COL26A1: variants seen among roughly 807,000 people sequenced by gnomAD.
COL26A1 encodes collagen type XXVI alpha 1 chain, also known as collagen alpha-1(XXVI) chain.
In COL26A1, 41 loss-of-function variants were observed where a neutral mutation model predicts 59.3. That is an observed-to-expected ratio of 0.69 (90% CI 0.54 to 0.90). The LOEUF (loss-of-function observed/expected upper bound fraction) is 0.90. COL26A1 is among the 40% of genes least tolerant of loss of function. The pLI, the probability that COL26A1 is intolerant of heterozygous loss-of-function variation, is 0.00. For missense variants in COL26A1, 612 were observed against 602.3 expected (o/e 1.02, Z -0.17); for synonymous variants, 266 against 256.0 (o/e 1.04, Z -0.37).
intron 1 of COL26A1, among the ~76,000 whole-genome samples, chr7:101,402,513 G>A (rs916044282): frequency 4.6e-5 from 7 of 152,010 alleles, no homozygotes; most frequent in African/African-American, 1.7e-4. Context: ...GCCTCTGGCT[G>A]TGAAAATTCT....
chr7:101,386,843 C>G (rs779677058), intron 1 of COL26A1, among the ~76,000 whole-genome samples: 1 of 152,148 alleles, frequency 6.6e-6, no homozygotes, highest in Non-Finnish European at 1.5e-5. Flanking sequence ...GGCAGGAAAG[C>G]TCAATATTCT....
chr7:101,551,001 T>A lies in COL26A1; in HGVS notation c.994-107T>A. On this transcript the variant is annotated intron_variant, in intron 9 of 12. Coordinates refer to ENST00000313669, the MANE Select transcript of COL26A1 (RefSeq NM_001278563.3). ...GCCGGGCCATCCTCCTCTCCCTTCC[T>A]CTTCTGCAGACTCAGAGCACAGTGG... 3 of 1,284,278 alleles carry A rather than the reference T, an allele frequency of 2.3e-6. No individual in the cohort carries two copies. The South Asian group carries it at 3.8e-5, about 16-fold the overall frequency. 79.6% of individuals were successfully genotyped at this position (1,284,278 alleles called of 1,614,324 possible).
chr7:101,503,840 T>C (rs1420120283), intron 3 of COL26A1, among the ~76,000 whole-genome samples: 1 of 152,174 alleles, frequency 6.6e-6, no homozygotes, highest in Non-Finnish European at 1.5e-5. Context: ...CCAAGGGACA[T>C]GAGTAGGGAG....
At chr7:101,408,091 G>A (rs1466821648) in intron 1 of COL26A1, among the ~76,000 whole-genome samples, 4 of 152,160 alleles carry the variant, frequency 2.6e-5, no homozygotes, top group Admixed American at 2.0e-4. Context: ...TTCTTTCCTA[G>A]GCTAAGCCAA....
chr7:101,451,043 TTAA>T (rs1332245254), intron 3 of COL26A1, among the ~76,000 whole-genome samples: 14 of 144,274 alleles, frequency 9.7e-5, no homozygotes, highest in African/African-American at 2.2e-4. Context: ...TGAATAATTA[TTAA>T]TAATAATTAA....
intron 1 of COL26A1, among the ~76,000 whole-genome samples, chr7:101,369,901 T>C (rs1791144508): frequency 6.6e-6 from 1 of 151,420 alleles, no homozygotes; most frequent in Non-Finnish European, 1.5e-5. Context: ...TCGCTCTTGT[T>C]GCCCATGCTG....
intron 1 of COL26A1, 126 bp downstream of exon 1, chr7:101,363,316 G>C: frequency 1.2e-6 from 1 of 811,502 alleles, no homozygotes; most frequent in Non-Finnish European, 1.8e-6. Context: ...ACTTGGGGGC[G>C]CAGGGCAGCG....
intron 3 of COL26A1, among the ~76,000 whole-genome samples, chr7:101,462,282 G>T (rs1793633792): frequency 6.6e-6 from 1 of 151,916 alleles, no homozygotes; most frequent in Admixed American, 6.6e-5. Context: ...ACAGGCTTGA[G>T]CCACCGCACC....
intron 3 of COL26A1, among the ~76,000 whole-genome samples, chr7:101,527,510 A>G (rs1346853436): frequency 7.2e-6 from 1 of 138,858 alleles, no homozygotes; most frequent in Non-Finnish European, 1.6e-5. Context: ...TTTTTTTTGT[A>G]TTTTTAGTAG....
chr7:101,466,837 T>TGTGTGTGTGTGTGTGAGA lies in COL26A1; in HGVS notation c.385+19051_385+19052insTGTGTGTGTGTGTGAGAG, dbSNP rs764059657. ...GTGTGTGTGTGTGTGTGTGTGTGTGTGAGAGAGAGAGATTCAGTCTCTGCC... is the reference window on the plus strand; with the variant it reads ...GTGTGTGTGTGTGTGTGTGTGTGTGTGTGTGTGTGTGTGTGAGAGAGAGAGAGAGATTCAGTCTCTGCC... On this transcript the variant is annotated intron_variant, in intron 3 of 12. Coordinates refer to ENST00000313669, the MANE Select transcript of COL26A1 (RefSeq NM_001278563.3). Among the ~76,000 whole-genome samples, 568 of 122,632 alleles carry TGTGTGTGTGTGTGTGAGA rather than the reference T, an allele frequency of 4.6e-3. 4 individuals are homozygous for TGTGTGTGTGTGTGTGAGA. The highest frequency in any genetic ancestry group is 8.7e-3 in the Middle Eastern group (2 of 230). 80.5% of individuals were successfully genotyped at this position (122,632 alleles called of 152,430 possible). A position where few individuals can be genotyped will look rare whatever the true frequency, so the allele number is the denominator to read the frequency against.
chr7:101,535,557 G>T (rs1466369824), intron 4 of COL26A1, among the ~76,000 whole-genome samples: 1 of 152,148 alleles, frequency 6.6e-6, no homozygotes, highest in East Asian at 1.9e-4. Context: ...TCCACCAAGG[G>T]CCCCAGCTCC....
intron 3 of COL26A1, among the ~76,000 whole-genome samples, chr7:101,458,333 C>A (rs1293291041): frequency 6.6e-6 from 1 of 152,136 alleles, no homozygotes; most frequent in Non-Finnish European, 1.5e-5. Flanking sequence ...CTGTATTCCT[C>A]ACCTGTGAAA....
At chr7:101,515,631 G>T (rs982630002) in intron 3 of COL26A1, among the ~76,000 whole-genome samples, 1 of 149,222 alleles carries the variant, frequency 6.7e-6, no homozygotes, top group African/African-American at 2.5e-5. Flanking sequence ...CTGTCACCCA[G>T]GCTAGAGTGC....
At chr7:101,446,899 C>T (rs565223016) in intron 2 of COL26A1, among the ~76,000 whole-genome samples, 3 of 151,708 alleles carry the variant, frequency 2.0e-5, no homozygotes, top group Admixed American at 6.6e-5. Flanking sequence ...TACACAGAGC[C>T]GGCTGTATGG....
chr7:101,460,976 G>A lies in COL26A1; in HGVS notation c.385+13189G>A, dbSNP rs540068956. 3.9e-5 allele frequency among the ~76,000 whole-genome samples: 6 copies of A among 151,928 alleles called. No individual in the cohort carries two copies. In the South Asian group the frequency reaches 1.2e-3, roughly 32 times the overall value. On this transcript the variant is annotated intron_variant, in intron 3 of 12. Coordinates refer to ENST00000313669, the MANE Select transcript of COL26A1 (RefSeq NM_001278563.3). ...GCTTACTGTCTCATTTGCACCTGCG[G>A]GATGTTACTTTATTTTATTTTTTGA...
chr7:101,499,879 T>TAA (rs35539371), intron 3 of COL26A1, among the ~76,000 whole-genome samples: 3,323 of 79,660 alleles, frequency 0.042, 66 homozygotes, highest in Middle Eastern at 0.11. Flanking sequence ...GTCCCTGCCT[T>TAA]AAAAAAAAAA....
At chr7:101,497,920 G>A (rs1794623934) in intron 3 of COL26A1, among the ~76,000 whole-genome samples, 1 of 152,202 alleles carries the variant, frequency 6.6e-6, no homozygotes, top group African/African-American at 2.4e-5. Flanking sequence ...GATGTTTGAA[G>A]CTTCAGGGAG....
Position 101,466,319 on chromosome 7 carries a change from A to G in COL26A1, c.385+18532A>G, listed in dbSNP as rs183465271. ...AGGTGACAAGTACCTGATGTGGCAC[A>G]ATTGGTGGTACAGAGTAGGCCTGAA... On this transcript the variant is annotated intron_variant, in intron 3 of 12. Coordinates refer to ENST00000313669, the MANE Select transcript of COL26A1 (RefSeq NM_001278563.3). Among the ~76,000 whole-genome samples the G allele has an allele frequency of 2.6e-5, 4 of 152,210 alleles. No individual in the cohort carries two copies. The East Asian group carries it at 7.7e-4, about 29-fold the overall frequency.
chr7:101,501,043 G>A lies in COL26A1; in HGVS notation c.386-32039G>A, dbSNP rs559381675. Among the ~76,000 whole-genome samples, 7 of 151,362 alleles carry A rather than the reference G, an allele frequency of 4.6e-5. No homozygotes were observed. In the South Asian group the frequency reaches 6.3e-4, roughly 14 times the overall value. On this transcript the variant is annotated intron_variant, in intron 3 of 12. Coordinates refer to ENST00000313669, the MANE Select transcript of COL26A1 (RefSeq NM_001278563.3). Reference sequence around the variant, plus strand: ...CTAAAAATACAAAAAAAGTTTAGCCGGGCATGGTGGTAGGCGCCTGTAATC... The same window carrying A: ...CTAAAAATACAAAAAAAGTTTAGCCAGGCATGGTGGTAGGCGCCTGTAATC...
Sources: allele counts gnomAD v4.1 joint callset (sites outside exome capture counted in the v4.1 genomes callset), GRCh38; gene constraint gnomAD v4.1.1; transcripts MANE v1.5; gene names NCBI Gene and HGNC (gene_info 2026-07-23, HGNC 2026-07-21).